Variants in PCBP3 observed in about 807,000 individuals in gnomAD.
The protein encoded by PCBP3 is poly(rC)-binding protein 3.
Under a neutral mutation model 52.7 loss-of-function variants are expected in PCBP3, and 25 were observed. That is an observed-to-expected ratio of 0.47 (90% confidence interval 0.35 to 0.66). The LOEUF (loss-of-function observed/expected upper bound fraction) is 0.66. Ranked by LOEUF, PCBP3 falls within the 30% of genes least tolerant of loss-of-function variation. The pLI is 0.01. For synonymous variants in PCBP3, 162 were observed against 183.0 expected (o/e 0.89, Z 0.93); for missense variants, 391 against 490.3 (o/e 0.80, Z 1.91).
intron 5 of PCBP3, among the ~76,000 whole-genome samples, chr21:45,891,682 A>G (rs2095666500): frequency 6.6e-6 from 1 of 152,160 alleles, no homozygotes; most frequent in Admixed American, 6.5e-5. Flanking sequence ...CACACTGTAG[A>G]CTTGAAGTAT....
intron 5 of PCBP3, among the ~76,000 whole-genome samples, chr21:45,893,200 T>C (rs1423404725): frequency 6.1e-5 from 9 of 146,516 alleles, no homozygotes; most frequent in Admixed American, 5.4e-4. Flanking sequence ...GAGAATGGGA[T>C]GTGGAGAGTT....
At chr21:45,773,751 A>AT (rs948196689) in intron 4 of PCBP3, among the ~76,000 whole-genome samples, 68 of 151,128 alleles carry the variant, frequency 4.5e-4, no homozygotes, top group African/African-American at 1.4e-3. Context: ...GGATTTTAGA[A>AT]TTTTTTTTTC....
chr21:45,926,525 G>A (rs2075433857), intron 13 of PCBP3, among the ~76,000 whole-genome samples: 1 of 152,188 alleles, frequency 6.6e-6, no homozygotes, highest in East Asian at 1.9e-4. Context: ...TTTTGGTGCA[G>A]TGGGAGACAA....
chr21:45,789,423 T>C (rs1186890944), intron 4 of PCBP3, among the ~76,000 whole-genome samples: 1 of 149,004 alleles, frequency 6.7e-6, no homozygotes, highest in African/African-American at 2.4e-5. Flanking sequence ...TGTCTTTTCA[T>C]GTGTGTATGT....
At chr21:45,722,563 A>G (rs909141306) in intron 2 of PCBP3, among the ~76,000 whole-genome samples, 50 of 152,206 alleles carry the variant, frequency 3.3e-4, no homozygotes, top group Non-Finnish European at 5.7e-4. Context: ...AGAGATTTTC[A>G]TAGACAAATT....
chr21:45,905,573 G>C (rs959576549), intron 9 of PCBP3, among the ~76,000 whole-genome samples: 3 of 152,234 alleles, frequency 2.0e-5, no homozygotes, highest in Non-Finnish European at 4.4e-5. Context: ...GCAGACGCTG[G>C]TTCTCTCACA....
At chr21:45,808,588 G>A (rs2092585908) in intron 4 of PCBP3, among the ~76,000 whole-genome samples, 1 of 152,190 alleles carries the variant, frequency 6.6e-6, no homozygotes, top group African/African-American at 2.4e-5. Context: ...TACACTGTTG[G>A]TGGGAGTGTA....
rs139014385 is a variant in PCBP3, at chr21:45,863,683, C to T, written c.10+13588C>T. On this transcript the variant is annotated intron_variant, in intron 5 of 17. Coordinates refer to ENST00000681687, the MANE Select transcript of PCBP3 (RefSeq NM_001384156.1). ...CCGGTAGCATCTCATCTTGTCTAAA[C>T]GGGGAGAGTGGCCATCTGTCCGATA... 9.2e-5 allele frequency among the ~76,000 whole-genome samples: 14 copies of T among 152,316 alleles called. No homozygotes were observed. The East Asian group carries it at 2.5e-3, about 27-fold the overall frequency.
intron 2 of PCBP3, among the ~76,000 whole-genome samples, chr21:45,694,611 A>G (rs1569124616): frequency 6.6e-6 from 1 of 152,206 alleles, no homozygotes; most frequent in African/African-American, 2.4e-5. Flanking sequence ...TAAATACACA[A>G]TCATAGTTGA....
intron 2 of PCBP3, among the ~76,000 whole-genome samples, chr21:45,669,876 C>T (rs569657400): frequency 7.2e-6 from 1 of 139,072 alleles, no homozygotes; most frequent in Admixed American, 7.6e-5. Flanking sequence ...CTTTGATGGA[C>T]ACTTGGGTTG....
At chr21:45,815,280 G>C (rs2092871790) in intron 4 of PCBP3, among the ~76,000 whole-genome samples, 2 of 74,552 alleles carry the variant, frequency 2.7e-5, no homozygotes, top group Admixed American at 2.2e-4. Context: ...GTGGTGAGTA[G>C]TGAGTGATGA....
intron 1 of PCBP3, among the ~76,000 whole-genome samples, chr21:45,661,707 C>A (rs949552819): frequency 3.9e-5 from 6 of 152,134 alleles, no homozygotes; most frequent in African/African-American, 7.2e-5. Context: ...AGTTCTATTT[C>A]TATTTTTAGT....
At chr21:45,811,524 T>A (rs1252504350) in intron 4 of PCBP3, among the ~76,000 whole-genome samples, 1 of 152,262 alleles carries the variant, frequency 6.6e-6, no homozygotes, top group Non-Finnish European at 1.5e-5. Flanking sequence ...CTTCATCACA[T>A]CTGCACAGTC....
At chr21:45,912,300 G>A (rs1296785574) in intron 11 of PCBP3, among the ~76,000 whole-genome samples, 2 of 152,202 alleles carry the variant, frequency 1.3e-5, no homozygotes, top group Non-Finnish European at 2.9e-5. Context: ...TCTCACTCCC[G>A]CTGGCTGTGC....
chr21:45,895,059 A>G (rs1214219170), intron 5 of PCBP3, among the ~76,000 whole-genome samples: 1 of 152,166 alleles, frequency 6.6e-6, no homozygotes, highest in Admixed American at 6.5e-5. Context: ...ACAGCGTGTC[A>G]CTTTGTCAGT....
chr21:45,845,872 G>T (rs1009577), intron 4 of PCBP3, among the ~76,000 whole-genome samples: 2 of 152,242 alleles, frequency 1.3e-5, no homozygotes, highest in Non-Finnish European at 2.9e-5. Flanking sequence ...TGTTCAGCAA[G>T]ATGTTAAAGC....
chr21:45,679,167 G>A (rs893636412), intron 2 of PCBP3, among the ~76,000 whole-genome samples: 2 of 150,736 alleles, frequency 1.3e-5, no homozygotes, highest in Admixed American at 6.6e-5. Flanking sequence ...TGCCCAGGCT[G>A]GAGTGTGCAG....
intron 10 of PCBP3, among the ~76,000 whole-genome samples, chr21:45,909,710 CGG>C (rs879865009): frequency 7.6e-4 from 113 of 149,112 alleles, no homozygotes; most frequent in African/African-American, 1.8e-3. Context: ...GATACGGACC[CGG>C]CCACCCACTG....
chr21:45,901,686 G>C, intron 9 of PCBP3: 1 of 154,744 alleles, frequency 6.5e-6, no homozygotes, highest in Non-Finnish European at 1.4e-5. Flanking sequence ...GAGAGAGACA[G>C]AGAGATGAGA....
Sources: allele counts gnomAD v4.1 joint callset (sites outside exome capture counted in the v4.1 genomes callset), GRCh38; gene constraint gnomAD v4.1.1; transcripts MANE v1.5; gene names NCBI Gene and HGNC (gene_info 2026-07-23, HGNC 2026-07-21).